LRP6: variants seen among roughly 807,000 people sequenced by gnomAD.
LRP6 encodes LDL receptor related protein 6.
A neutral mutation model predicts 184.1 loss-of-function variants in LRP6; 43 were observed. The observed-to-expected ratio is 0.23, with a 90% confidence interval of 0.18 to 0.30. LRP6 has a LOEUF of 0.30. Among genes scored for constraint, LRP6 ranks in the 10% least tolerant of loss-of-function variants. The probability of loss-of-function intolerance (pLI) is 1.00; values close to 1 mark genes in which losing one functional copy is unlikely to be tolerated. For synonymous variants in LRP6, 719 were observed against 684.9 expected, an observed-to-expected ratio of 1.05 and a Z score of -0.78; for missense variants, 1,571 against 2,005.3, an observed-to-expected ratio of 0.78 and a Z score of 4.14.
chr12:12,208,768 A>G (rs1406725843), intron 2 of LRP6, among the ~76,000 whole-genome samples: 1 of 152,246 alleles, frequency 6.6e-6, no homozygotes, highest in African/African-American at 2.4e-5. Context: ...CAAGAAGAGA[A>G]AGAAGTACAA....
intron 1 of LRP6, among the ~76,000 whole-genome samples, chr12:12,265,383 G>C (rs542035823): frequency 6.6e-6 from 1 of 151,978 alleles, no homozygotes; most frequent in Non-Finnish European, 1.5e-5. Context: ...TTACTACAGA[G>C]TAACTGAAGA....
rs1188705562 is a variant in LRP6, at chr12:12,118,747, ACT to A, written c.*2377_*2378del. On this transcript the variant is annotated 3_prime_UTR_variant, in exon 23 of 23. Coordinates refer to ENST00000261349, the MANE Select transcript of LRP6 (RefSeq NM_002336.3). The stretch of plus-strand genomic sequence containing the variant: ...ATCTCATCTACCCCAGAAAGAGAAC[ACT>A]GAGATTAGGCTGAACTGCCTTCAAA... 1 of 152,256 alleles carries A rather than the reference ACT, an allele frequency of 6.6e-6. No homozygotes were observed. The highest frequency in any genetic ancestry group is 2.4e-5 in the African/African-American group (1 of 41,464). The allele number at this position is 152,256 out of a possible 1,614,324, so 9.4% of individuals were successfully genotyped here.
chr12:12,223,730 T>A (rs1348948413), intron 2 of LRP6, among the ~76,000 whole-genome samples: 1 of 152,220 alleles, frequency 6.6e-6, no homozygotes, highest in African/African-American at 2.4e-5. Flanking sequence ...ACTAACCTTA[T>A]TTAAAGTGTA....
intron 15 of LRP6, among the ~76,000 whole-genome samples, chr12:12,146,413 A>T (rs184692534): frequency 1.3e-5 from 2 of 152,250 alleles, no homozygotes; most frequent in Non-Finnish European, 2.9e-5. Flanking sequence ...CACAAATAGT[A>T]TATTTTAATT....
chr12:12,266,537 T>C, intron 1 of LRP6, 144 bp downstream of exon 1: 2 of 738,418 alleles, frequency 2.7e-6, no homozygotes, highest in Admixed American at 4.8e-5. Flanking sequence ...CCGGGCCCCT[T>C]TCTCTCCCCC....
At chr12:12,216,004 C>T (rs981121053) in intron 2 of LRP6, among the ~76,000 whole-genome samples, 4 of 152,010 alleles carry the variant, frequency 2.6e-5, no homozygotes, top group Non-Finnish European at 5.9e-5. Context: ...AAGAGGGAAA[C>T]TGCCTCAAAA....
chr12:12,214,177 T>C (rs1864282182), intron 2 of LRP6, among the ~76,000 whole-genome samples: 1 of 152,062 alleles, frequency 6.6e-6, no homozygotes, highest in Non-Finnish European at 1.5e-5. Context: ...TTCAAAAATA[T>C]GTCATAAGTA....
chr12:12,265,604 C>G (rs1389384344), intron 1 of LRP6, among the ~76,000 whole-genome samples: 1 of 152,210 alleles, frequency 6.6e-6, no homozygotes, highest in African/African-American at 2.4e-5. Context: ...AAAGAACTTA[C>G]TATGAACGCC....
At chr12:12,266,576 TCTCCCCTTCTCCCTTCCTCCGTCC>T (rs774228504) in intron 1 of LRP6, 81 bp downstream of exon 1, 104 of 716,156 alleles carry the variant, frequency 1.5e-4, no homozygotes, top group Non-Finnish European at 2.3e-4. Flanking sequence ...TCCCCGCTCC[TCTCCCCTTCTCCCTTCCTCCGTCC>T]CTCCCCTCCC....
intron 2 of LRP6, among the ~76,000 whole-genome samples, chr12:12,225,381 G>A (rs1040230795): frequency 2.6e-5 from 4 of 152,150 alleles, no homozygotes; most frequent in Admixed American, 2.6e-4. Flanking sequence ...AGACAGACAA[G>A]GTGATAACAA....
rs529938449 is a variant in LRP6, at chr12:12,130,456, G to C, written c.4081+327C>G. 7.9e-5 allele frequency among the ~76,000 whole-genome samples: 12 copies of C among 152,300 alleles called. No individual in the cohort carries two copies. In the East Asian group the frequency reaches 2.1e-3, roughly 27 times the overall value. On this transcript the variant is annotated intron_variant, in intron 19 of 22. Transcript: ENST00000261349. ...CCACCTTGGCCTCCCAAAGTGCTGG[G>C]ATTACAGGTGTGAGCCACCACGCCC...
chr12:12,130,179 GAATTC>G lies in LRP6; in HGVS notation c.4081+599_4081+603del, dbSNP rs1949728167. On this transcript the variant is annotated intron_variant, in intron 19 of 22. Transcript: ENST00000261349. ...GTTCTGAATTGAATTCAGACCAATT[GAATTC>G]TTTTCTTTTTTTTTTTTTTTGAGAC... 2.7e-5 allele frequency among the ~76,000 whole-genome samples: 4 copies of G among 150,928 alleles called. No homozygotes were observed. The South Asian group carries it at 8.4e-4, about 32-fold the overall frequency.
chr12:12,207,119 G>A (rs1864082037), intron 2 of LRP6, among the ~76,000 whole-genome samples: 1 of 152,188 alleles, frequency 6.6e-6, no homozygotes, highest in South Asian at 2.1e-4. Context: ...TCTACTGTGG[G>A]CAAACATGGC....
Position 12,184,108 on chromosome 12 carries a change from G to T in LRP6, c.848C>A (p.Thr283Lys). Residue 283 changes from threonine to lysine, a missense_variant, in exon 5 of 23, where the codon ACA becomes AAA. Physicochemically the swap from Thr to Lys is moderately conservative, Grantham distance 78. This residue lies in a region of LRP6 where 640 missense variants were observed against 851.9 expected (regional missense o/e 0.75). Coordinates refer to ENST00000261349, the MANE Select transcript of LRP6 (RefSeq NM_002336.3). ...CCCATTGTCAATTCCACATGGATTT[G>T]TGGCTGTCAAATATAAATCACATTG... ...AFSQQRQPNA[T>K]NPCGIDNGGC... The T allele has an allele frequency of 6.2e-7, 1 of 1,613,180 alleles. No individual in the cohort carries two copies.
intron 2 of LRP6, among the ~76,000 whole-genome samples, chr12:12,218,108 C>A (rs551488832): frequency 6.6e-6 from 1 of 152,264 alleles, no homozygotes; most frequent in South Asian, 2.1e-4. Flanking sequence ...AACAGGAAAT[C>A]AGTATTTGCA....
At chr12:12,134,010 T>C (rs1440022014) in intron 17 of LRP6, among the ~76,000 whole-genome samples, 1 of 152,196 alleles carries the variant, frequency 6.6e-6, no homozygotes, top group Non-Finnish European at 1.5e-5. Flanking sequence ...CTGATTTCCC[T>C]GACTACGCTG....
In LRP6 at chr12:12,120,028, T is replaced by A. The variant is rs1192249766; in HGVS notation, c.*1098A>T. The A allele has an allele frequency of 1.8e-5, 2 of 111,780 alleles. No individual in the cohort carries two copies. Among genetic ancestry groups the A allele is most frequent in the Non-Finnish European group, 3.9e-5 (2 of 51,338 alleles). 6.9% of individuals were successfully genotyped at this position (111,780 alleles called of 1,614,324 possible). A position where few individuals can be genotyped will look rare whatever the true frequency, so the allele number is the denominator to read the frequency against. On this transcript the variant is annotated 3_prime_UTR_variant, in exon 23 of 23. Transcript: ENST00000261349. ...ATATATATATATATATATATATATA[T>A]ATATATATATATATAAATGATTTCG...
At chr12:12,226,201 T>C (rs1357180471) in intron 2 of LRP6, among the ~76,000 whole-genome samples, 1 of 152,180 alleles carries the variant, frequency 6.6e-6, no homozygotes, top group African/African-American at 2.4e-5. Context: ...TAGACTATTT[T>C]TTCTCTCCCC....
intron 15 of LRP6, among the ~76,000 whole-genome samples, chr12:12,144,239 C>T (rs545290249): frequency 6.6e-6 from 1 of 152,150 alleles, no homozygotes; most frequent in Non-Finnish European, 1.5e-5. Context: ...GACAGGGTCT[C>T]GGCTTTATTG....
Sources: gnomAD v4.1 joint callset for allele counts (sites outside exome capture counted in the v4.1 genomes callset) on GRCh38, gnomAD v4.1.1 for gene constraint, gnomAD v4.1.1 regional missense constraint, MANE v1.5 for transcripts, NCBI Gene and HGNC (gene_info 2026-07-23, HGNC 2026-07-21) for gene names.